The following C12orf42 variants were observed in gnomAD, a reference collection of about 807,000 sequenced individuals.
C12orf42 encodes chromosome 12 open reading frame 42.
A neutral mutation model predicts 21.6 loss-of-function variants in C12orf42; 25 were observed. The ratio of observed to expected loss-of-function variants is 1.16; its 90% CI spans 0.84 to 1.62. C12orf42 has a LOEUF of 1.62. Ranked by LOEUF, C12orf42 falls within the 40% of genes most tolerant of loss-of-function variation. C12orf42 has a pLI of 0.00. For synonymous variants in C12orf42, 174 were observed against 175.0 expected (o/e 0.99, Z 0.05); for missense variants, 483 against 459.3 (o/e 1.05, Z -0.47).
At chr12:103,129,811 A>G in the C12orf42 span, among the ~76,000 whole-genome samples, 1 of 152,182 alleles carries the variant, frequency 6.6e-6, no homozygotes, top group South Asian at 2.1e-4. Context: ...GTGGCCTTCC[A>G]GCTTATCCTG....
the C12orf42 span, among the ~76,000 whole-genome samples, chr12:103,225,801 T>C: frequency 6.6e-6 from 1 of 152,128 alleles, no homozygotes; most frequent in East Asian, 1.9e-4. Context: ...AAACAGGCCC[T>C]TGAAAAGAAG....
chr12:103,218,221 G>A, the C12orf42 span, among the ~76,000 whole-genome samples: 10 of 151,610 alleles, frequency 6.6e-5, no homozygotes, highest in African/African-American at 2.2e-4. Flanking sequence ...CGGAAGTTGC[G>A]GTGAGTGGAG....
At chr12:103,110,672 AG>A in the C12orf42 span, among the ~76,000 whole-genome samples, 1 of 152,230 alleles carries the variant, frequency 6.6e-6, no homozygotes, top group Non-Finnish European at 1.5e-5. Flanking sequence ...TACTGAATAA[AG>A]CTGCCCCAAA....
At chr12:103,397,154 T>C (rs773452125) in intron 3 of C12orf42, among the ~76,000 whole-genome samples, 1 of 152,252 alleles carries the variant, frequency 6.6e-6, no homozygotes, top group African/African-American at 2.4e-5. Flanking sequence ...CATCAGATTA[T>C]TGAGATTTAT....
At chr12:103,049,991 G>T in the C12orf42 span, among the ~76,000 whole-genome samples, 9 of 152,130 alleles carry the variant, frequency 5.9e-5, no homozygotes, top group South Asian at 2.1e-4. Flanking sequence ...TTACTTGGTT[G>T]GTTGGTTGTT....
chr12:103,387,429 G>C (rs573277763), intron 3 of C12orf42, among the ~76,000 whole-genome samples: 59 of 152,270 alleles, frequency 3.9e-4, no homozygotes, highest in Admixed American at 3.7e-3. Context: ...ACTCCCCTTG[G>C]GTTCTTTACA....
chr12:103,118,724 G>A, the C12orf42 span, among the ~76,000 whole-genome samples: 1 of 135,360 alleles, frequency 7.4e-6, no homozygotes, highest in East Asian at 2.2e-4. Flanking sequence ...TGTGAGCCCG[G>A]AAGGCAGAGC....
the C12orf42 span, chr12:103,151,697 C>T: frequency 5.6e-4 from 86 of 152,258 alleles, no homozygotes; most frequent in African/African-American, 1.9e-3. Flanking sequence ...AGATTTAACA[C>T]TCAACCATGG....
chr12:103,454,310 C>T (rs1952144516), intron 2 of C12orf42, among the ~76,000 whole-genome samples: 1 of 152,062 alleles, frequency 6.6e-6, no homozygotes. Flanking sequence ...TTCAACAGGA[C>T]TTGAAAACCT....
the C12orf42 span, among the ~76,000 whole-genome samples, chr12:103,166,425 T>C: frequency 6.6e-6 from 1 of 152,230 alleles, no homozygotes; most frequent in African/African-American, 2.4e-5. Context: ...GTTTGTGTAT[T>C]TTATTTTATT....
chr12:103,106,462 T>C, the C12orf42 span, among the ~76,000 whole-genome samples: 1 of 152,024 alleles, frequency 6.6e-6, no homozygotes, highest in Non-Finnish European at 1.5e-5. Flanking sequence ...AACAGAGTAA[T>C]TTGGGTTTGT....
At chr12:103,081,872 G>T in the C12orf42 span, among the ~76,000 whole-genome samples, 1 of 151,804 alleles carries the variant, frequency 6.6e-6, no homozygotes, top group African/African-American at 2.4e-5. Flanking sequence ...TTTATCTTTG[G>T]CTTATAATTT....
chr12:103,530,795 A>G, the C12orf42 span, among the ~76,000 whole-genome samples: 2 of 152,156 alleles, frequency 1.3e-5, no homozygotes, highest in Non-Finnish European at 2.9e-5. Context: ...TTCAGACCCC[A>G]TCTGCTTACC....
At chr12:103,184,638 T>G in the C12orf42 span, among the ~76,000 whole-genome samples, 1 of 151,404 alleles carries the variant, frequency 6.6e-6, no homozygotes, top group Non-Finnish European at 1.5e-5. Flanking sequence ...CTCTTCTAGT[T>G]TAGGAAGACC....
At chr12:103,155,299 C>T in the C12orf42 span, 1 of 152,168 alleles carries the variant, frequency 6.6e-6, no homozygotes, top group Non-Finnish European at 1.5e-5. Context: ...GTATGCACCT[C>T]CAATTGGCAT....
chr12:103,256,173 TATATATACATATATATACAC>T (rs2034607354), intron 10 of C12orf42, among the ~76,000 whole-genome samples: 5 of 126,176 alleles, frequency 4.0e-5, no homozygotes, highest in Non-Finnish European at 6.7e-5. Flanking sequence ...TATATACACA[TATATATACATATATATACAC>T]ATATATATAT....
At chr12:103,067,487 T>G in the C12orf42 span, among the ~76,000 whole-genome samples, 1 of 152,150 alleles carries the variant, frequency 6.6e-6, no homozygotes, top group South Asian at 2.1e-4. Context: ...TGGGACAGAG[T>G]TCTCCAGAAG....
intron 2 of C12orf42, among the ~76,000 whole-genome samples, chr12:103,454,500 C>A (rs987948784): frequency 6.6e-6 from 1 of 152,010 alleles, no homozygotes; most frequent in Admixed American, 6.6e-5. Flanking sequence ...TCCCTATTCC[C>A]ACCAGCCAAA....
chr12:103,049,400 C>T, the C12orf42 span, among the ~76,000 whole-genome samples: 1 of 152,168 alleles, frequency 6.6e-6, no homozygotes, highest in African/African-American at 2.4e-5. Flanking sequence ...TGAATTTGTA[C>T]ATTCACATCT....
Sources: allele counts gnomAD v4.1 joint callset (sites outside exome capture counted in the v4.1 genomes callset), GRCh38; gene constraint gnomAD v4.1.1; transcripts MANE v1.5; gene names NCBI Gene and HGNC (gene_info 2026-07-23, HGNC 2026-07-21).